Variants in NEDD4L observed in about 807,000 individuals in gnomAD.
NEDD4L encodes NEDD4 like E3 ubiquitin protein ligase.
Under a neutral mutation model 148.9 loss-of-function variants are expected in NEDD4L, and 54 were observed. That is an observed-to-expected ratio of 0.36 (90% confidence interval 0.29 to 0.45). The LOEUF is 0.45. Ranked by LOEUF, NEDD4L falls within the 20% of genes least tolerant of loss-of-function variation. The pLI, the probability that NEDD4L is intolerant of heterozygous loss-of-function variation, is 1.00. For synonymous variants in NEDD4L, 433 were observed against 440.7 expected, an observed-to-expected ratio of 0.98 and a Z score of 0.22; for missense variants, 856 against 1,233.8, an observed-to-expected ratio of 0.69 and a Z score of 4.59.
intron 6 of NEDD4L, among the ~76,000 whole-genome samples, chr18:58,318,482 G>A (rs2058489367): frequency 6.6e-6 from 1 of 152,196 alleles, no homozygotes; most frequent in Admixed American, 6.5e-5. Flanking sequence ...GCTTGAGCAT[G>A]GGAGGTCATT....
intron 22 of NEDD4L, among the ~76,000 whole-genome samples, chr18:58,369,812 T>C (rs547366561): frequency 6.6e-6 from 1 of 152,278 alleles, no homozygotes; most frequent in East Asian, 1.9e-4. Flanking sequence ...GCCTCTGCCG[T>C]CCCTCCGCGG....
At chr18:58,330,045 A>G (rs763757618) in intron 10 of NEDD4L, among the ~76,000 whole-genome samples, 3 of 152,212 alleles carry the variant, frequency 2.0e-5, no homozygotes, top group South Asian at 2.1e-4. Context: ...CCCTTTAAAT[A>G]GTTATGGTAT....
intron 24 of NEDD4L, among the ~76,000 whole-genome samples, chr18:58,380,835 AAACT>A (rs1368442705): frequency 3.3e-5 from 5 of 152,210 alleles, no homozygotes; most frequent in Non-Finnish European, 5.9e-5. Flanking sequence ...CATTTTCAGC[AAACT>A]AACACAGAAA....
At chr18:58,135,473 A>G (rs1393783497) in intron 1 of NEDD4L, among the ~76,000 whole-genome samples, 2 of 152,118 alleles carry the variant, frequency 1.3e-5, no homozygotes, top group African/African-American at 4.8e-5. Context: ...TTGCCTTTGT[A>G]TCTGATTGTA....
intron 13 of NEDD4L, among the ~76,000 whole-genome samples, chr18:58,340,021 C>T (rs1012933664): frequency 1.3e-5 from 2 of 152,196 alleles, no homozygotes; most frequent in African/African-American, 4.8e-5. Context: ...AAGGCATGGG[C>T]TCCTCCTATA....
intron 1 of NEDD4L, among the ~76,000 whole-genome samples, chr18:58,053,608 C>T (rs1213530540): frequency 6.6e-6 from 1 of 152,208 alleles, no homozygotes; most frequent in African/African-American, 2.4e-5. Context: ...CGTGCCCGGC[C>T]AACAATTTTT....
chr18:58,323,276 A>G lies in NEDD4L; in HGVS notation c.455A>G (p.Tyr152Cys). 6.2e-7 allele frequency: 1 copy of G among 1,605,456 alleles called. No individual in the cohort carries two copies. The highest frequency in any genetic ancestry group is 8.5e-7 in the Non-Finnish European group (1 of 1,175,710). ...GGATTTTTGCGATTGAAAATGGCCT[A>G]TATGCCAAAAAATGGAGGTCAAGAT... Reference protein sequence around the residue: ...VKGFLRLKMAYMPKNGGQDEE... With the variant: ...VKGFLRLKMACMPKNGGQDEE... The change falls in exon 8 of 31, where the codon TAT (tyrosine) becomes TGT (cysteine). Residue 152 changes from tyrosine (Y) to cysteine (C), a missense_variant. This residue lies in a region of NEDD4L where 193 missense variants were observed against 244.2 expected (regional missense o/e 0.79). Coordinates refer to ENST00000400345, the MANE Select transcript of NEDD4L (RefSeq NM_001144967.3).
At chr18:58,100,980 A>AT (rs1015484008) in intron 1 of NEDD4L, among the ~76,000 whole-genome samples, 69 of 152,002 alleles carry the variant, frequency 4.5e-4, no homozygotes, top group Middle Eastern at 6.8e-3. Context: ...TAATTTTTGT[A>AT]TTTTTTGTAG....
Position 58,366,455 on chromosome 18 carries a change from G to T in NEDD4L, c.2063+227G>T, listed in dbSNP as rs1357745380. 7.8e-6 allele frequency: 3 copies of T among 385,476 alleles called. No homozygotes were observed. Among genetic ancestry groups the T allele is most frequent in the Non-Finnish European group, 4.6e-6 (1 of 217,350 alleles). 23.9% of individuals were successfully genotyped at this position (385,476 alleles called of 1,614,324 possible). A position where few individuals can be genotyped will look rare whatever the true frequency, so the allele number is the denominator to read the frequency against. ...CATTGATTTTTTTTCTTGTCTATTG[G>T]GTTCATGGAGTTGAAATTGAAAACG... On this transcript the variant is annotated intron_variant, in intron 21 of 30. Coordinates refer to ENST00000400345, the MANE Select transcript of NEDD4L (RefSeq NM_001144967.3). The surrounding 1 kb of genome is among the most constrained non-coding windows in gnomAD (Gnocchi z 4.2).
intron 18 of NEDD4L, 96 bp from the exon 19 acceptor site, chr18:58,357,098 G>A (rs2044765885): frequency 1.7e-6 from 2 of 1,156,548 alleles, no homozygotes; most frequent in Non-Finnish European, 2.5e-6. Flanking sequence ...GACAGCTTTT[G>A]AAGAATCCAG....
intron 2 of NEDD4L, among the ~76,000 whole-genome samples, chr18:58,217,004 G>T (rs542812260): frequency 1.9e-4 from 29 of 152,334 alleles, no homozygotes; most frequent in African/African-American, 6.5e-4. Context: ...CTTTTCAAAT[G>T]CTTTGAGCAG....
At chr18:58,309,780 C>G (rs977759868) in intron 5 of NEDD4L, among the ~76,000 whole-genome samples, 1 of 151,988 alleles carries the variant, frequency 6.6e-6, no homozygotes, top group African/African-American at 2.4e-5. Context: ...GGGCAGAGAA[C>G]TGAGTGTTCT....
chr18:58,340,441 G>A (rs1189833879), intron 13 of NEDD4L, among the ~76,000 whole-genome samples: 1 of 152,204 alleles, frequency 6.6e-6, no homozygotes, highest in Non-Finnish European at 1.5e-5. Context: ...GACTTCCTGA[G>A]CTGGGGCACA....
intron 5 of NEDD4L, among the ~76,000 whole-genome samples, chr18:58,260,813 G>A (rs947940201): frequency 1.3e-5 from 2 of 152,182 alleles, no homozygotes; most frequent in African/African-American, 2.4e-5. Flanking sequence ...CTGGCCTGAA[G>A]GTGAGAGAAG....
In NEDD4L at chr18:58,057,603, G is replaced by A. The variant is rs578188678; in HGVS notation, c.48+12895G>A. ...GGGGCTTCAGGATTGGTTGTCTTGG[G>A]GTTGAATAGCCACAGGCTTGTTCCA... On this transcript the variant is annotated intron_variant, in intron 1 of 30. Coordinates refer to ENST00000400345, the MANE Select transcript of NEDD4L (RefSeq NM_001144967.3). Among the ~76,000 whole-genome samples the A allele has an allele frequency of 2.0e-5, 3 of 152,254 alleles. No individual in the cohort carries two copies. The South Asian group carries it at 6.2e-4, about 32-fold the overall frequency.
Position 58,270,732 on chromosome 18 carries a change from TTA to T in NEDD4L, c.297+18680_297+18681del, listed in dbSNP as rs1465306399. Among the ~76,000 whole-genome samples, 4 of 152,238 alleles carry T rather than the reference TTA, an allele frequency of 2.6e-5. No individual in the cohort carries two copies. The East Asian group carries it at 5.8e-4, about 22-fold the overall frequency. On this transcript the variant is annotated intron_variant, in intron 5 of 30. Coordinates refer to ENST00000400345, the MANE Select transcript of NEDD4L (RefSeq NM_001144967.3). ...ATTGTTTCTTTCTGATTTCTATTGC[TTA>T]TCAGTTACTACTACTTGTGGCTCCA... is the stretch of plus-strand genomic sequence containing the variant.
chr18:58,133,345 C>A (rs2032413846), intron 1 of NEDD4L, among the ~76,000 whole-genome samples: 1 of 152,222 alleles, frequency 6.6e-6, no homozygotes, highest in South Asian at 2.1e-4. Flanking sequence ...ACAGGGCTCT[C>A]TGTAGCCCCA....
chr18:58,061,511 C>T (rs4245310), intron 1 of NEDD4L, among the ~76,000 whole-genome samples: 122,214 of 150,996 alleles, frequency 0.81, 50,004 homozygotes, highest in East Asian at 1. Context: ...GTCATGGTGG[C>T]TCCAGACTAG....
At chr18:58,118,773 C>T (rs915560538) in intron 1 of NEDD4L, among the ~76,000 whole-genome samples, 10 of 152,200 alleles carry the variant, frequency 6.6e-5, no homozygotes, top group Non-Finnish European at 1.5e-4. Context: ...GAAGGACACA[C>T]TTTCTCCCAC....
Sources: allele counts gnomAD v4.1 joint callset (sites outside exome capture counted in the v4.1 genomes callset), GRCh38; gene constraint gnomAD v4.1.1; regional missense constraint gnomAD v4.1.1; non-coding constraint Gnocchi (gnomAD v3.1); transcripts MANE v1.5; gene names NCBI Gene and HGNC (gene_info 2026-07-23, HGNC 2026-07-21).